ALOXE3: variants seen among roughly 807,000 people sequenced by gnomAD.
The protein encoded by ALOXE3 is hydroperoxide isomerase ALOXE3.
In ALOXE3, 78 loss-of-function variants were observed where a neutral mutation model predicts 87.5. That is an observed-to-expected ratio of 0.89 (90% CI 0.74 to 1.08). The LOEUF (loss-of-function observed/expected upper bound fraction) is 1.08, where lower values mean the gene tolerates loss of function less well. Among genes scored for constraint, ALOXE3 ranks in the 50% least tolerant of loss-of-function variants. The pLI, the probability that ALOXE3 is intolerant of heterozygous loss-of-function variation, is 0.00. For synonymous variants in ALOXE3, 363 were observed against 370.8 expected (o/e 0.98, Z 0.24); for missense variants, 946 against 912.4 (o/e 1.04, Z -0.47).
chr17:8,118,307 C>T lies in ALOXE3; in HGVS notation c.-313-4G>A. On this transcript the variant is annotated splice_polypyrimidine_tract_variant and splice_region_variant and intron_variant, in intron 1 of 15. Coordinates refer to ENST00000448843, the MANE Select transcript of ALOXE3 (RefSeq NM_021628.3). ...GATATCAGGAGCCTGGGTTCCACTG[C>T]GGAGGGAGGGATCAGATGCTGAGAT... is the stretch of plus-strand genomic sequence containing the variant. 1 of 1,551,732 alleles carries T rather than the reference C, an allele frequency of 6.4e-7. No homozygotes were observed. The highest frequency in any genetic ancestry group is 8.7e-7 in the Non-Finnish European group (1 of 1,147,020).
intron 13 of ALOXE3, among the ~76,000 whole-genome samples, chr17:8,107,805 AAAAAC>A (rs1466616550): frequency 8.0e-6 from 1 of 124,362 alleles, no homozygotes; most frequent in African/African-American, 3.2e-5. Flanking sequence ...TCTCAAAAAA[AAAAAC>A]AAGAAAGAAA....
intron 6 of ALOXE3, 131 bp from the exon 7 acceptor site, chr17:8,112,327 G>A (rs1598212921): frequency 1.4e-6 from 1 of 709,808 alleles, no homozygotes; most frequent in African/African-American, 1.7e-5. Flanking sequence ...ATCCACATGG[G>A]AGAAAAAGTC....
At chr17:8,105,942 G>C in intron 13 of ALOXE3, among the ~76,000 whole-genome samples, 1 of 142,584 alleles carries the variant, frequency 7.0e-6, no homozygotes, top group East Asian at 2.1e-4. Context: ...AAAAAAGCCA[G>C]AGTAGGAAGG....
intron 15 of ALOXE3, 42 bp from the exon 16 acceptor site, chr17:8,096,848 G>A (rs1338620643): frequency 1.2e-6 from 2 of 1,601,888 alleles, no homozygotes; most frequent in Admixed American, 3.3e-5. Context: ...ACATTCAGAT[G>A]GGATGGGGAA....
At position 8,110,074 on chromosome 17, in the gene ALOXE3, C is replaced by A; in HGVS notation, c.1305+18G>T. ...GCCCGGCCCCTGCCCCGCTGGGCCC[C>A]CACCCGGGGTCGCGGACCTTGTAGA... On this transcript the variant is annotated intron_variant, in intron 10 of 15. Coordinates refer to ENST00000448843, the MANE Select transcript of ALOXE3 (RefSeq NM_021628.3). The A allele has an allele frequency of 6.2e-7, 1 of 1,602,264 alleles. No homozygotes were observed. Among genetic ancestry groups the A allele is most frequent in the Non-Finnish European group, 8.5e-7 (1 of 1,175,710 alleles).
In ALOXE3 at chr17:8,096,838, A is replaced by G. The variant is rs751676229; in HGVS notation, c.1957-32T>C. The G allele has an allele frequency of 9.9e-6, 16 of 1,608,794 alleles. No individual in the cohort carries two copies. In the East Asian group the frequency reaches 3.3e-4, roughly 34 times the overall value. ...GGACATCAGGTAAGAGGTCAGGATG[A>G]CATTCAGATGGGATGGGGAATAACG... On this transcript the variant is annotated intron_variant, in intron 15 of 15. Transcript: ENST00000448843.
intron 15 of ALOXE3, among the ~76,000 whole-genome samples, chr17:8,101,908 G>A (rs1978946370): frequency 6.6e-6 from 1 of 152,146 alleles, no homozygotes; most frequent in African/African-American, 2.4e-5. Flanking sequence ...CCAAAGTGCT[G>A]GGATTGCAGG....
At chr17:8,110,042 C>T (rs1352893424) in intron 10 of ALOXE3, 40 bp from the exon 11 acceptor site, 2 of 1,574,908 alleles carry the variant, frequency 1.3e-6, no homozygotes, top group East Asian at 2.3e-5. Context: ...AGGCCGGGGA[C>T]AAGGCCGCCC....
intron 8 of ALOXE3, 44 bp from the exon 9 acceptor site, chr17:8,110,572 C>T (rs1458223587): frequency 1.7e-5 from 28 of 1,612,344 alleles, no homozygotes; most frequent in Non-Finnish European, 2.1e-5. Context: ...CCTACTCGCG[C>T]TCCACTTCCC....
chr17:8,111,445 A>C lies in ALOXE3; in HGVS notation c.871T>G (p.Ser291Ala). 1 of 1,614,206 alleles carries C rather than the reference A, an allele frequency of 6.2e-7. No individual in the cohort carries two copies. Among genetic ancestry groups the C allele is most frequent in the Non-Finnish European group, 8.5e-7 (1 of 1,180,032 alleles). ...ACAGGCAGCTTGCTGGGCAAGCTAG[A>C]GATGCAGTGGAGCATGACGGGATTG... ...GVNPVMLHCI[S>A]SLPSKLPVTN... The change falls in exon 8 of 16, where the codon TCT (serine) becomes GCT (alanine). Residue 291 changes from serine (S) to alanine (A), a missense_variant. Ser to Ala is a moderately conservative substitution (Grantham distance 99). Coordinates refer to ENST00000448843, the MANE Select transcript of ALOXE3 (RefSeq NM_021628.3).
At chr17:8,107,838 A>AGGTTGGTGGCTGGAGGGGCCACGTGGC (rs1567996043) in intron 13 of ALOXE3, among the ~76,000 whole-genome samples, 537 of 5,356 alleles carry the variant, frequency 0.1, 57 homozygotes, top group Middle Eastern at 0.2. Flanking sequence ...AGAAAGAAAG[A>AGGTTGGTGGCTGGAGGGGCCACGTGGC]AAGAAAGAAA....
intron 11 of ALOXE3, 108 bp downstream of exon 11, chr17:8,109,808 C>G (rs552028722): frequency 2.6e-6 from 3 of 1,171,606 alleles, no homozygotes; most frequent in East Asian, 5.1e-5. Context: ...GTTCTCACAC[C>G]CCAGGTGTCC....
chr17:8,096,748 A>G lies in ALOXE3; in HGVS notation c.2015T>C (p.Ile672Thr), dbSNP rs1978565947. 6.2e-7 allele frequency: 1 copy of G among 1,614,032 alleles called. No individual in the cohort carries two copies. The highest frequency in any genetic ancestry group is 8.5e-7 in the Non-Finnish European group (1 of 1,180,028). The change falls in exon 16 of 16, where the codon ATC (isoleucine) becomes ACC (threonine). Residue 672 changes from isoleucine to threonine, a missense_variant. Transcript: ENST00000448843. Reference protein sequence around the residue: ...HFTEEAPRRSIAAFQSRLAQI... With the variant: ...HFTEEAPRRSTAAFQSRLAQI... ...GGCCAGGCGGCTCTGGAAGGCGGCGATGCTCCGCCTCGGGGCCTCCTCTGT... is the reference window on the plus strand; with the variant it reads ...GGCCAGGCGGCTCTGGAAGGCGGCGGTGCTCCGCCTCGGGGCCTCCTCTGT...
At chr17:8,110,565 A>T (rs756165413) in intron 8 of ALOXE3, 37 bp from the exon 9 acceptor site, 4 of 1,612,610 alleles carry the variant, frequency 2.5e-6, no homozygotes, top group Non-Finnish European at 3.4e-6. Flanking sequence ...GTCCCTCCCT[A>T]CTCGCGCTCC....
At chr17:8,107,920 A>G (rs1406024518) in intron 13 of ALOXE3, among the ~76,000 whole-genome samples, 5 of 6,988 alleles carry the variant, frequency 7.2e-4, no homozygotes, top group South Asian at 2.8e-3. Flanking sequence ...AAAGAAAGAA[A>G]GAAAGAAAGA....
upstream of ALOXE3, chr17:8,118,779 T>A (rs1260698002): frequency 6.5e-7 from 1 of 1,537,074 alleles, no homozygotes; most frequent in Admixed American, 2.0e-5. Context: ...CGCGTGGCAT[T>A]CTTTCCGCTC....
chr17:8,118,688 C>A, upstream of ALOXE3: 1 of 1,537,328 alleles, frequency 6.5e-7, no homozygotes, highest in Non-Finnish European at 8.7e-7. Flanking sequence ...GCCTTTGGCA[C>A]GCCCGACCTC....
At position 8,112,174 on chromosome 17, in the gene ALOXE3, C is replaced by T. The variant is rs763088742; in HGVS notation, c.703G>A (p.Gly235Arg). The change falls in exon 7 of 16, where the codon GGG (glycine) becomes AGG (arginine). Residue 235 changes from glycine (G) to arginine (R), a missense_variant. Coordinates refer to ENST00000448843, the MANE Select transcript of ALOXE3 (RefSeq NM_021628.3). ...IPASLGMKLR[G>R]LLDRKGSWKK... ...CAGGAGCCCTTGCGATCCAACAGCCCTCGAAGCTTCATTCCCAAGGACCTG... is the reference window on the plus strand; with the variant it reads ...CAGGAGCCCTTGCGATCCAACAGCCTTCGAAGCTTCATTCCCAAGGACCTG... The T allele has an allele frequency of 1.9e-6, 3 of 1,614,034 alleles. No individual in the cohort carries two copies. In the African/African-American group the frequency reaches 4.0e-5, roughly 22 times the overall value.
Position 8,117,959 on chromosome 17 carries a change from C to T in ALOXE3, c.32G>A (p.Gly11Asp). 1 of 1,612,212 alleles carries T rather than the reference C, an allele frequency of 6.2e-7. No individual in the cohort carries two copies. Among genetic ancestry groups the T allele is most frequent in the Non-Finnish European group, 8.5e-7 (1 of 1,179,742 alleles). Reference sequence around the variant, plus strand: ...CAGTGTGCCGGCCCTCAGGTAGGGACCAGTGGTCACACACAGGCGGTACAC... The same window carrying T: ...CAGTGTGCCGGCCCTCAGGTAGGGATCAGTGGTCACACACAGGCGGTACAC... MAVYRLCVTT[G>D]PYLRAGTLDN... The change falls in exon 2 of 16, where the codon GGT (glycine) becomes GAT (aspartate). Residue 11 changes from glycine to aspartate, a missense_variant. Physicochemically the swap from Gly to Asp is moderately conservative, Grantham distance 94. Coordinates refer to ENST00000448843, the MANE Select transcript of ALOXE3 (RefSeq NM_021628.3).
Sources: gnomAD v4.1 joint callset for allele counts (sites outside exome capture counted in the v4.1 genomes callset) on GRCh38, gnomAD v4.1.1 for gene constraint, MANE v1.5 for transcripts, NCBI Gene and HGNC (gene_info 2026-07-23, HGNC 2026-07-21) for gene names.